ASTN2: variants seen among roughly 807,000 people sequenced by gnomAD.
The protein encoded by ASTN2 is astrotactin 2.
A neutral mutation model predicts 139.8 loss-of-function variants in ASTN2; 54 were observed. That is an observed-to-expected ratio of 0.39 (90% CI 0.31 to 0.48). The LOEUF (loss-of-function observed/expected upper bound fraction) is 0.48. Among genes scored for constraint, ASTN2 ranks in the 20% least tolerant of loss-of-function variants. The pLI is 0.95. For missense variants in ASTN2, 1,565 were observed against 1,725.1 expected (o/e 0.91, Z 1.64); for synonymous variants, 756 against 719.5 (o/e 1.05, Z -0.81).
intron 19 of ASTN2, among the ~76,000 whole-genome samples, chr9:116,575,296 A>T (rs1853682031): frequency 6.6e-6 from 1 of 150,644 alleles, no homozygotes; most frequent in African/African-American, 2.4e-5. Context: ...TGTATAATTA[A>T]AAAAAAAAGA....
At position 117,060,349 on chromosome 9, in the gene ASTN2, A is replaced by G. The variant is rs375927512; in HGVS notation, c.1277-20384T>C. 1.8e-4 allele frequency among the ~76,000 whole-genome samples: 9 copies of G among 49,060 alleles called. No individual in the cohort carries two copies. The East Asian group carries it at 3.6e-3, about 20-fold the overall frequency. The allele number at this position is 49,060 out of a possible 152,430, so 32.2% of individuals were successfully genotyped here. A position where few individuals can be genotyped will look rare whatever the true frequency, so the allele number is the denominator to read the frequency against. On this transcript the variant is annotated intron_variant, in intron 5 of 22. Coordinates refer to ENST00000313400, the MANE Select transcript of ASTN2 (RefSeq NM_001365068.1). ...AAGAAAGAAAGAAAGAAAGAGAGAA[A>G]GAAAGAAAGAAAGAAAGAAAGAAAG...
At chr9:117,257,092 A>T (rs1833707384) in intron 2 of ASTN2, among the ~76,000 whole-genome samples, 1 of 152,260 alleles carries the variant, frequency 6.6e-6, no homozygotes, top group African/African-American at 2.4e-5. Flanking sequence ...GCACATACAC[A>T]CAAAGATACA....
At chr9:116,522,264 CA>C (rs1373982109) in intron 19 of ASTN2, among the ~76,000 whole-genome samples, 2 of 152,042 alleles carry the variant, frequency 1.3e-5, no homozygotes, top group African/African-American at 4.8e-5. Context: ...GGAACCAGCC[CA>C]AATACCCATC....
At chr9:116,674,277 G>T (rs1320436308) in intron 16 of ASTN2, among the ~76,000 whole-genome samples, 1 of 152,152 alleles carries the variant, frequency 6.6e-6, no homozygotes, top group Admixed American at 6.5e-5. Flanking sequence ...GACCCCAGCT[G>T]CATGACAGAT....
chr9:116,429,028 A>G (rs1847405511), intron 22 of ASTN2, among the ~76,000 whole-genome samples: 1 of 152,098 alleles, frequency 6.6e-6, no homozygotes, highest in Non-Finnish European at 1.5e-5. Flanking sequence ...GAGCGGAAGG[A>G]GGCAAAACAC....
At chr9:116,474,727 A>T (rs1308929139) in intron 20 of ASTN2, among the ~76,000 whole-genome samples, 1 of 152,192 alleles carries the variant, frequency 6.6e-6, no homozygotes, top group East Asian at 1.9e-4. Context: ...AGTAGAAATG[A>T]ACTTCTCTAT....
chr9:117,341,382 A>G (rs1358255166), intron 1 of ASTN2, among the ~76,000 whole-genome samples: 1 of 152,198 alleles, frequency 6.6e-6, no homozygotes, highest in Non-Finnish European at 1.5e-5. Context: ...TGAGAGACAT[A>G]GACAGACACA....
At chr9:117,130,454 C>T (rs571094676) in intron 4 of ASTN2, among the ~76,000 whole-genome samples, 2 of 152,130 alleles carry the variant, frequency 1.3e-5, no homozygotes, top group African/African-American at 4.8e-5. Flanking sequence ...TACTTGTATC[C>T]CACCCCACCT....
At chr9:117,175,759 A>C (rs1041922466) in intron 3 of ASTN2, among the ~76,000 whole-genome samples, 1 of 152,204 alleles carries the variant, frequency 6.6e-6, no homozygotes, top group African/African-American at 2.4e-5. Context: ...GCAAAATCTT[A>C]AAAATTTAGA....
intron 5 of ASTN2, among the ~76,000 whole-genome samples, chr9:117,045,256 G>GAA (rs1838698014): frequency 3.6e-5 from 1 of 28,028 alleles, no homozygotes; most frequent in African/African-American, 7.4e-5. Context: ...CATGTAATTA[G>GAA]CAAAAAAAAA....
chr9:116,911,218 A>G (rs960800948), intron 10 of ASTN2, among the ~76,000 whole-genome samples: 2 of 152,232 alleles, frequency 1.3e-5, no homozygotes, highest in African/African-American at 4.8e-5. Flanking sequence ...AGAGCTTTCC[A>G]TGCTTTATCT....
intron 5 of ASTN2, among the ~76,000 whole-genome samples, chr9:117,058,372 A>G (rs1022564481): frequency 2.0e-5 from 3 of 152,194 alleles, no homozygotes; most frequent in African/African-American, 7.2e-5. Flanking sequence ...AATAAAAATA[A>G]TGACAGCTAC....
At chr9:116,976,883 T>C in intron 7 of ASTN2, 98 bp from the exon 8 acceptor site, 1 of 1,077,548 alleles carries the variant, frequency 9.3e-7, no homozygotes, top group Non-Finnish European at 1.4e-6. Context: ...AGTGAGCTGC[T>C]TAGTTTTAGA....
chr9:116,704,536 A>ATATAAATGGGAAT (rs1827940542), intron 16 of ASTN2, among the ~76,000 whole-genome samples: 1 of 152,212 alleles, frequency 6.6e-6, no homozygotes, highest in Non-Finnish European at 1.5e-5. Flanking sequence ...TATATGTAAA[A>ATATAAATGGGAAT]GTACCTAATT....
At chr9:116,449,459 A>G (rs529809116) in intron 20 of ASTN2, among the ~76,000 whole-genome samples, 1 of 152,324 alleles carries the variant, frequency 6.6e-6, no homozygotes, top group East Asian at 1.9e-4. Context: ...ATCTATCTCA[A>G]AGGGATGTTA....
intron 13 of ASTN2, among the ~76,000 whole-genome samples, chr9:116,791,029 A>AAG (rs1322756643): frequency 2.5e-5 from 3 of 120,316 alleles, no homozygotes; most frequent in Admixed American, 1.7e-4. Context: ...GAAAGAAAGA[A>AAG]AGAAAGAAAG....
chr9:116,588,668 C>T (rs928941032), intron 19 of ASTN2, among the ~76,000 whole-genome samples: 2 of 151,882 alleles, frequency 1.3e-5, no homozygotes, highest in African/African-American at 2.4e-5. Context: ...TATGCTGGAA[C>T]GCTCAAGAAA....
intron 7 of ASTN2, among the ~76,000 whole-genome samples, chr9:117,003,953 C>CGCGCGCGCGCGTGTGTGTGTGT (rs1218309835): frequency 2.5e-4 from 36 of 146,220 alleles, no homozygotes; most frequent in African/African-American, 8.9e-4. Flanking sequence ...CGCGCGCGCG[C>CGCGCGCGCGCGTGTGTGTGTGT]GTGTGTGTGT....
intron 11 of ASTN2, among the ~76,000 whole-genome samples, chr9:116,842,907 G>A (rs1255983892): frequency 1.3e-5 from 2 of 151,926 alleles, no homozygotes; most frequent in South Asian, 2.1e-4. Context: ...TGAAAACCAC[G>A]CCCCTGCTTC....
Sources: allele counts gnomAD v4.1 joint callset (sites outside exome capture counted in the v4.1 genomes callset), GRCh38; gene constraint gnomAD v4.1.1; transcripts MANE v1.5; gene names NCBI Gene and HGNC (gene_info 2026-07-23, HGNC 2026-07-21).